PLPBP: variants seen among roughly 807,000 people sequenced by gnomAD.
PLPBP encodes pyridoxal phosphate homeostasis protein.
Under a neutral mutation model 31.2 loss-of-function variants are expected in PLPBP, and 21 were observed. That is an observed-to-expected ratio of 0.67 (90% CI 0.48 to 0.97). PLPBP has a LOEUF of 0.97. Ranked by LOEUF, PLPBP falls within the 50% of genes least tolerant of loss-of-function variation. The probability of loss-of-function intolerance (pLI) is 0.00; values close to 1 mark genes in which losing one functional copy is unlikely to be tolerated. For missense variants in PLPBP, 308 were observed against 354.4 expected, an observed-to-expected ratio of 0.87 and a Z score of 1.05; for synonymous variants, 124 against 135.6, an observed-to-expected ratio of 0.91 and a Z score of 0.59.
At chr8:37,775,828 A>C in intron 6 of PLPBP, 90 bp from the exon 7 acceptor site, 1 of 1,311,090 alleles carries the variant, frequency 7.6e-7, no homozygotes, top group Non-Finnish European at 1.1e-6. Flanking sequence ...TAAGGAATAC[A>C]TAACCGTTGT....
chr8:37,775,259 G>T (rs182122993), intron 5 of PLPBP, 80 bp from the exon 6 acceptor site: 4 of 1,540,366 alleles, frequency 2.6e-6, no homozygotes, highest in African/African-American at 1.4e-5. Context: ...CTCTTCTGTC[G>T]TAAGGAAGGG....
At chr8:37,766,175 G>T (rs1393810921) in intron 3 of PLPBP, 105 bp from the exon 4 acceptor site, 1 of 798,588 alleles carries the variant, frequency 1.3e-6, no homozygotes, top group Admixed American at 2.5e-5. Flanking sequence ...TTACATTTAA[G>T]GAACAGAGAG....
intron 1 of PLPBP, among the ~76,000 whole-genome samples, chr8:37,764,415 G>C (rs980042224): frequency 3.6e-4 from 55 of 152,086 alleles, no homozygotes; most frequent in Non-Finnish European, 5.9e-4. Context: ...TCCACCTCCC[G>C]GATTCAAGCA....
At chr8:37,762,595 G>T (rs756743049), upstream of PLPBP, 17 of 1,526,724 alleles carry the variant, frequency 1.1e-5, no homozygotes, top group Middle Eastern at 1.7e-4. Flanking sequence ...AAGCTGGGCG[G>T]AACCGGAAGA....
chr8:37,778,246 T>TA lies in PLPBP; in HGVS notation c.*143dup, dbSNP rs1803971001. The TA allele has an allele frequency of 5.6e-6, 6 of 1,065,272 alleles. No homozygotes were observed. In the South Asian group the frequency reaches 8.4e-5, roughly 15 times the overall value. The allele number at this position is 1,065,272 out of a possible 1,614,324, so 66.0% of individuals were successfully genotyped here. On this transcript the variant is annotated 3_prime_UTR_variant, in exon 8 of 8. Coordinates refer to ENST00000328195, the MANE Select transcript of PLPBP (RefSeq NM_007198.4). ...TGTGTTGATGGAAACCATCTGTGCT[T>TA]AGTCTCTGACATAGGAAGCTTGCTT...
chr8:37,765,704 C>T lies in PLPBP; in HGVS notation c.208-7C>T. On this transcript the variant is annotated splice_polypyrimidine_tract_variant and splice_region_variant and intron_variant, in intron 2 of 7. Coordinates refer to ENST00000328195, the MANE Select transcript of PLPBP (RefSeq NM_007198.4). ...GGCTTCTGACTTGTTCTGTTTTGAC[C>T]TTTTAGGTTCAGGAACTGCTAGAAA... 1 of 1,614,050 alleles carries T rather than the reference C, an allele frequency of 6.2e-7. No individual in the cohort carries two copies. The highest frequency in any genetic ancestry group is 8.5e-7 in the Non-Finnish European group (1 of 1,180,016).
At chr8:37,774,421 T>C (rs1056379715) in intron 5 of PLPBP, among the ~76,000 whole-genome samples, 11 of 152,336 alleles carry the variant, frequency 7.2e-5, no homozygotes, top group Admixed American at 7.2e-4. Context: ...TTGGCAATGG[T>C]ATCATGAGAA....
intron 1 of PLPBP, 151 bp from the exon 2 acceptor site, chr8:37,765,375 G>A (rs1011823046): frequency 1.4e-6 from 1 of 699,516 alleles, no homozygotes; most frequent in Admixed American, 2.4e-5. Flanking sequence ...ACCACTATTT[G>A]ATATTGATCT....
chr8:37,777,665 C>T (rs549732397), intron 7 of PLPBP, among the ~76,000 whole-genome samples: 208 of 152,284 alleles, frequency 1.4e-3, no homozygotes, highest in Non-Finnish European at 2.3e-3. Context: ...CCTCCACCTC[C>T]TGGGTTCAAG....
chr8:37,772,309 G>A lies in PLPBP; in HGVS notation c.320-446G>A, dbSNP rs868511336. Among the ~76,000 whole-genome samples, 4 of 152,296 alleles carry A rather than the reference G, an allele frequency of 2.6e-5. No homozygotes were observed. The Middle Eastern group carries it at 0.01, about 389-fold the overall frequency. ...ACCTGGCCAGTGTTAGGGTCATGGT[G>A]ATGTCCTTGTTGGATAAGAATACCC... On this transcript the variant is annotated intron_variant, in intron 4 of 7. Coordinates refer to ENST00000328195, the MANE Select transcript of PLPBP (RefSeq NM_007198.4).
Position 37,778,137 on chromosome 8 carries a change from T to G in PLPBP, c.*33T>G, listed in dbSNP as rs765878865. 4 of 1,603,554 alleles carry G rather than the reference T, an allele frequency of 2.5e-6. No homozygotes were observed. The East Asian group carries it at 9.0e-5, about 36-fold the overall frequency. On this transcript the variant is annotated 3_prime_UTR_variant, in exon 8 of 8. Transcript: ENST00000328195. ...AATACTGAGAGCACTAACTATGCAC[T>G]AACCTAGATTTTCATTTCGATATTC...
chr8:37,772,640 CTG>C (rs1426475788), intron 4 of PLPBP, 113 bp from the exon 5 acceptor site: 2 of 1,249,530 alleles, frequency 1.6e-6, no homozygotes, highest in Admixed American at 2.0e-5. Context: ...TGAGATTTAA[CTG>C]TGTTTTTCTT....
intron 7 of PLPBP, 42 bp downstream of exon 7, chr8:37,776,058 G>C: frequency 6.4e-7 from 1 of 1,561,900 alleles, no homozygotes; most frequent in East Asian, 2.2e-5. Flanking sequence ...GAGGGGTGGG[G>C]GTAGGGGGTC....
chr8:37,774,799 A>C (rs566065951), intron 5 of PLPBP: 12 of 152,558 alleles, frequency 7.9e-5, no homozygotes, highest in Admixed American at 2.0e-4. Context: ...AAATGGGGGC[A>C]AGACAATATC....
Position 37,765,616 on chromosome 8 carries a change from A to G in PLPBP, c.190A>G (p.Thr64Ala), listed in dbSNP as rs1471051563. 6.2e-7 allele frequency: 1 copy of G among 1,614,102 alleles called. No homozygotes were observed. The highest frequency in any genetic ancestry group is 8.5e-7 in the Non-Finnish European group (1 of 1,180,030). Residue 64 changes from threonine to alanine, a missense_variant, in exon 2 of 8, where the codon ACT becomes GCT. Coordinates refer to ENST00000328195, the MANE Select transcript of PLPBP (RefSeq NM_007198.4). ...VIEAYGHGQR[T>A]FGENYVQELL... ...CGAGGCCTATGGACATGGGCAGCGC[A>G]CTTTTGGCGAGAACTACGTAAGAGC...
At chr8:37,766,711 A>C (rs1585931140) in intron 4 of PLPBP, 6 of 851,618 alleles carry the variant, frequency 7.0e-6, no homozygotes, top group Non-Finnish European at 8.5e-6. Context: ...AATAAAATAC[A>C]ATACAGTAAA....
In PLPBP at chr8:37,772,875, C is replaced by G. The variant is rs200888037; in HGVS notation, c.440C>G (p.Thr147Ser). The change falls in exon 5 of 8, where the codon ACC (threonine) becomes AGC (serine). Residue 147 changes from threonine (T) to serine (S), a missense_variant. Physicochemically the swap from Thr to Ser is moderately conservative, Grantham distance 58. Around this residue, in one of 2 missense-constraint regions of PLPBP, gnomAD observed 188 missense variants for 259.3 expected, o/e 0.73. Coordinates refer to ENST00000328195, the MANE Select transcript of PLPBP (RefSeq NM_007198.4). ...ERLKVMVQINTSGEESKHGLP... is the reference protein window; with the variant it reads ...ERLKVMVQINSSGEESKHGLP... Reference sequence around the variant, plus strand: ...TTAAAGGTTATGGTCCAGATTAACACCAGCGGAGAAGAGAGTAAGTAACCA... The same window carrying G: ...TTAAAGGTTATGGTCCAGATTAACAGCAGCGGAGAAGAGAGTAAGTAACCA... The G allele has an allele frequency of 1.4e-5, 22 of 1,614,134 alleles. No individual in the cohort carries two copies. Among genetic ancestry groups the G allele is most frequent in the Non-Finnish European group, 1.7e-5 (20 of 1,180,014 alleles).
intron 7 of PLPBP, among the ~76,000 whole-genome samples, chr8:37,777,410 C>G (rs868632026): frequency 1.3e-5 from 2 of 152,054 alleles, no homozygotes; most frequent in Admixed American, 6.6e-5. Context: ...GTCCTTGACC[C>G]CCTCCGAGCT....
intron 1 of PLPBP, among the ~76,000 whole-genome samples, chr8:37,763,934 T>C (rs1269098195): frequency 1.3e-5 from 2 of 152,222 alleles, no homozygotes; most frequent in African/African-American, 4.8e-5. Flanking sequence ...ACTGTTTCTA[T>C]GTGGATTGGG....
Sources: gnomAD v4.1 joint callset for allele counts (sites outside exome capture counted in the v4.1 genomes callset) on GRCh38, gnomAD v4.1.1 for gene constraint, gnomAD v4.1.1 regional missense constraint, MANE v1.5 for transcripts, NCBI Gene and HGNC (gene_info 2026-07-23, HGNC 2026-07-21) for gene names.